Variants in NRXN1 observed in about 807,000 individuals in gnomAD.
NRXN1 encodes neurexin 1.
In NRXN1, 39 loss-of-function variants were observed where a neutral mutation model predicts 150.9. The observed-to-expected ratio is 0.26, with a 90% CI of 0.20 to 0.34. The LOEUF (loss-of-function observed/expected upper bound fraction) is 0.34. Ranked by LOEUF, NRXN1 falls within the 10% of genes least tolerant of loss-of-function variation. The probability of loss-of-function intolerance (pLI) is 1.00; values close to 1 mark genes in which losing one functional copy is unlikely to be tolerated. For synonymous variants in NRXN1, 924 were observed against 757.0 expected (o/e 1.22, Z -3.62); for missense variants, 1,815 against 1,949.9 (o/e 0.93, Z 1.30).
chr2:50,053,273 G>A lies in NRXN1; in HGVS notation c.4126C>T (p.Gln1376Ter), dbSNP rs1176198230. ...AGGAATAAAATCCACAGGCTCACCT[G>A]GCTAATGGGTTCTTTTGTCGGGGGC... is the stretch of plus-strand genomic sequence containing the variant. ...GKPPTKEPIS[Q>*]TTDDILVASA... Residue 1376 changes from glutamine to a stop codon, truncating the protein, a stop_gained and splice_region_variant, in exon 21 of 23, where the codon CAG becomes TAG. Coordinates refer to ENST00000401669, the MANE Select transcript of NRXN1 (RefSeq NM_001330078.2). LOFTEE classifies it high-confidence loss of function. 1 of 1,613,944 alleles carries A rather than the reference G, an allele frequency of 6.2e-7. No homozygotes were observed. The highest frequency in any genetic ancestry group is 1.1e-5 in the South Asian group (1 of 91,086).
intron 19 of NRXN1, among the ~76,000 whole-genome samples, chr2:50,089,397 C>T (rs1243209788): frequency 6.6e-6 from 1 of 152,200 alleles, no homozygotes; most frequent in East Asian, 1.9e-4. Flanking sequence ...TGATGACTTT[C>T]TCTCAGCAAA....
chr2:50,768,068 G>T (rs886276522), intron 5 of NRXN1, among the ~76,000 whole-genome samples: 6 of 152,124 alleles, frequency 3.9e-5, no homozygotes, highest in Non-Finnish European at 8.8e-5. Flanking sequence ...ATTATAAATA[G>T]GATTTCTACT....
chr2:50,895,568 G>GTT (rs138568275), intron 5 of NRXN1, among the ~76,000 whole-genome samples: 3,765 of 145,490 alleles, frequency 0.026, 72 homozygotes, highest in Non-Finnish European at 0.039. Context: ...TTTTTTGGTT[G>GTT]TTTTTTTTGT....
chr2:49,982,260 A>T (rs1680104245), intron 21 of NRXN1, among the ~76,000 whole-genome samples: 1 of 152,162 alleles, frequency 6.6e-6, no homozygotes, highest in African/African-American at 2.4e-5. Flanking sequence ...GGTTCGATTC[A>T]ATTTGGGCCT....
At chr2:50,556,703 T>C (rs1245603668) in intron 8 of NRXN1, among the ~76,000 whole-genome samples, 5 of 152,130 alleles carry the variant, frequency 3.3e-5, no homozygotes, top group Non-Finnish European at 7.4e-5. Flanking sequence ...CTGAGTATTA[T>C]CTTTGATCTT....
chr2:50,656,500 T>G (rs1414192508), intron 5 of NRXN1: 4 of 659,232 alleles, frequency 6.1e-6, no homozygotes, highest in Middle Eastern at 2.8e-4. Context: ...AACTGAGGTC[T>G]GGGGGTGAAA....
chr2:50,178,963 A>C lies in NRXN1; in HGVS notation c.3546+57826T>G, dbSNP rs2060522883. 2.6e-5 allele frequency among the ~76,000 whole-genome samples: 4 copies of C among 152,160 alleles called. No homozygotes were observed. The South Asian group carries it at 8.3e-4, about 32-fold the overall frequency. The stretch of plus-strand genomic sequence containing the variant: ...ATTTCAAAGTGCTCTTTGTAAAGAG[A>C]AATACCTAACAATGCTTGAGAACAG... On this transcript the variant is annotated intron_variant, in intron 18 of 22. Coordinates refer to ENST00000401669, the MANE Select transcript of NRXN1 (RefSeq NM_001330078.2).
intron 8 of NRXN1, chr2:50,588,676 A>G (rs978764802): frequency 6.6e-6 from 1 of 152,122 alleles, no homozygotes; most frequent in Non-Finnish European, 1.5e-5. Context: ...AATTAGTTAT[A>G]TTTCATCATT....
intron 19 of NRXN1, among the ~76,000 whole-genome samples, chr2:50,070,634 G>A (rs1043995522): frequency 2.0e-5 from 3 of 151,390 alleles, no homozygotes; most frequent in Admixed American, 6.6e-5. Flanking sequence ...TCCGGGCGTA[G>A]TGGCGGGCGC....
chr2:50,384,544 C>T (rs1239167017), intron 17 of NRXN1, among the ~76,000 whole-genome samples: 6 of 146,622 alleles, frequency 4.1e-5, no homozygotes, highest in African/African-American at 1.2e-4. Flanking sequence ...AATGCATCCT[C>T]TACATAAGGT....
intron 17 of NRXN1, among the ~76,000 whole-genome samples, chr2:50,316,280 C>T (rs1394662395): frequency 6.6e-6 from 1 of 151,960 alleles, no homozygotes; most frequent in African/African-American, 2.4e-5. Flanking sequence ...CAACTGAAAC[C>T]TTATGTCTAT....
At chr2:50,163,702 T>G (rs1477195634) in intron 18 of NRXN1, among the ~76,000 whole-genome samples, 3 of 152,190 alleles carry the variant, frequency 2.0e-5, no homozygotes, top group African/African-American at 4.8e-5. Context: ...TTCTGAATGT[T>G]TAAAAGTCCA....
intron 21 of NRXN1, among the ~76,000 whole-genome samples, chr2:50,000,019 T>C (rs527733203): frequency 7.9e-5 from 12 of 152,282 alleles, no homozygotes; most frequent in Admixed American, 3.3e-4. Context: ...TACTCTCACA[T>C]TGGGTGATGT....
At chr2:50,665,828 G>A (rs1403126914) in intron 5 of NRXN1, among the ~76,000 whole-genome samples, 1 of 151,648 alleles carries the variant, frequency 6.6e-6, no homozygotes, top group East Asian at 2.0e-4. Flanking sequence ...GTGAAAACCT[G>A]CTTTCTATTC....
Position 50,472,420 on chromosome 2 carries a change from T to G in NRXN1, c.3122A>C (p.Lys1041Thr), listed in dbSNP as rs1436702807. The change falls in exon 16 of 23, where the codon AAA becomes ACA. Residue 1041 changes from lysine (K) to threonine (T), a missense_variant. Lys to Thr is a moderately conservative substitution (Grantham distance 78, BLOSUM62 -1). This residue lies in a region of NRXN1 where 339 missense variants were observed against 440.3 expected (regional missense o/e 0.77). Transcript: ENST00000401669. ...VAKETYKSLP[K>T]LVHAKEGFQG... The stretch of plus-strand genomic sequence containing the variant: ...AAAGCCTTCTTTGGCATGTACAAGT[T>G]TTGGTAAGGATTTGTATGTTTCTTT... 1 of 1,612,244 alleles carries G rather than the reference T, an allele frequency of 6.2e-7. No individual in the cohort carries two copies. Among genetic ancestry groups the G allele is most frequent in the Non-Finnish European group, 8.5e-7 (1 of 1,178,850 alleles).
intron 17 of NRXN1, among the ~76,000 whole-genome samples, chr2:50,237,510 C>A (rs997520952): frequency 6.6e-6 from 1 of 151,530 alleles, no homozygotes; most frequent in Non-Finnish European, 1.5e-5. Context: ...CCCCAGTAGC[C>A]ATGTCAAGAA....
chr2:50,373,665 A>AGAAG (rs2080239166), intron 17 of NRXN1, among the ~76,000 whole-genome samples: 2 of 106,566 alleles, frequency 1.9e-5, no homozygotes, highest in African/African-American at 8.1e-5. Flanking sequence ...AAAGAAAGAA[A>AGAAG]GAAAGAAAGA....
intron 18 of NRXN1, among the ~76,000 whole-genome samples, chr2:50,146,228 T>A (rs1707990561): frequency 6.6e-6 from 1 of 151,656 alleles, no homozygotes. Flanking sequence ...CCTAAATTGG[T>A]GGGAGTCTAA....
chr2:50,087,635 T>C (rs993114676), intron 19 of NRXN1, among the ~76,000 whole-genome samples: 6 of 152,250 alleles, frequency 3.9e-5, no homozygotes, highest in African/African-American at 1.2e-4. Flanking sequence ...CTTTAAATGG[T>C]TTGTAAAATA....
Sources: allele counts gnomAD v4.1 joint callset (sites outside exome capture counted in the v4.1 genomes callset), GRCh38; gene constraint gnomAD v4.1.1; regional missense constraint gnomAD v4.1.1; transcripts MANE v1.5; gene names NCBI Gene and HGNC (gene_info 2026-07-23, HGNC 2026-07-21).